The following YAP1 variants were observed in gnomAD, a reference collection of about 807,000 sequenced individuals.
YAP1 encodes the protein Yes1 associated transcriptional regulator.
Under a neutral mutation model 56.9 loss-of-function variants are expected in YAP1, and 5 were observed. That is an observed-to-expected ratio of 0.09 (90% confidence interval 0.05 to 0.18). YAP1 has a LOEUF of 0.18. YAP1 is among the 10% of genes least tolerant of loss of function. YAP1 has a pLI of 1.00. For missense variants in YAP1, 539 were observed against 651.8 expected, an observed-to-expected ratio of 0.83 and a Z score of 1.88; for synonymous variants, 265 against 248.1, an observed-to-expected ratio of 1.07 and a Z score of -0.64.
At chr11:102,156,279 G>A (rs1945940000) in intron 2 of YAP1, among the ~76,000 whole-genome samples, 1 of 152,148 alleles carries the variant, frequency 6.6e-6, no homozygotes, top group East Asian at 1.9e-4. Flanking sequence ...GTAAATAAAT[G>A]TCTTACTGTA....
At chr11:102,225,913 A>T (rs1950170272) in intron 7 of YAP1, among the ~76,000 whole-genome samples, 1 of 152,192 alleles carries the variant, frequency 6.6e-6, no homozygotes, top group South Asian at 2.1e-4. Flanking sequence ...GTGAATGTTT[A>T]CTGAATGAGT....
chr11:102,167,631 G>A lies in YAP1; in HGVS notation c.688+5060G>A, dbSNP rs1411450556. Among the ~76,000 whole-genome samples, 3 of 152,208 alleles carry A rather than the reference G, an allele frequency of 2.0e-5. No individual in the cohort carries two copies. The East Asian group carries it at 5.8e-4, about 29-fold the overall frequency. On this transcript the variant is annotated intron_variant, in intron 3 of 8. Transcript: ENST00000282441. Reference sequence around the variant, plus strand: ...CGCCTGTAGTCTCAGTGACTCCGGAGGCTGAGGCAGGAGAATCACTTGAAC... The same window carrying A: ...CGCCTGTAGTCTCAGTGACTCCGGAAGCTGAGGCAGGAGAATCACTTGAAC...
chr11:102,171,737 A>G (rs575508557), intron 3 of YAP1, among the ~76,000 whole-genome samples: 1 of 152,308 alleles, frequency 6.6e-6, no homozygotes, highest in African/African-American at 2.4e-5. Flanking sequence ...ACAAACAGGA[A>G]AATGATTTTT....
intron 6 of YAP1, among the ~76,000 whole-genome samples, chr11:102,216,165 T>C (rs942251906): frequency 1.3e-5 from 2 of 152,254 alleles, no homozygotes; most frequent in Non-Finnish European, 2.9e-5. Flanking sequence ...TAAGGTGTCC[T>C]GCTTCTGGGG....
chr11:102,194,048 G>T (rs758775412), intron 4 of YAP1, among the ~76,000 whole-genome samples: 1 of 151,880 alleles, frequency 6.6e-6, no homozygotes, highest in Admixed American at 6.6e-5. Context: ...CTCGTGATCC[G>T]CCCACCTCGG....
At chr11:102,221,949 ATT>A (rs577822790) in intron 6 of YAP1, among the ~76,000 whole-genome samples, 1 of 146,938 alleles carries the variant, frequency 6.8e-6, no homozygotes. Context: ...TTAATGTGTA[ATT>A]TTTTTTTTTT....
intron 3 of YAP1, among the ~76,000 whole-genome samples, chr11:102,179,529 C>T (rs762928384): frequency 9.2e-5 from 14 of 152,124 alleles, no homozygotes; most frequent in Non-Finnish European, 1.8e-4. Flanking sequence ...AGGTAGCAGC[C>T]TCTTCATGCT....
At chr11:102,207,852 C>T (rs1276115508) in intron 5 of YAP1, among the ~76,000 whole-genome samples, 2 of 152,154 alleles carry the variant, frequency 1.3e-5, no homozygotes, top group African/African-American at 2.4e-5. Context: ...CATACGATGT[C>T]AGGAACTTGT....
intron 2 of YAP1, among the ~76,000 whole-genome samples, chr11:102,129,098 T>C (rs1298857527): frequency 1.3e-5 from 2 of 152,232 alleles, no homozygotes; most frequent in African/African-American, 4.8e-5. Context: ...ATATGCAGTA[T>C]ACTGCATAAG....
chr11:102,130,440 G>A (rs1183952421), intron 2 of YAP1, among the ~76,000 whole-genome samples: 1 of 152,116 alleles, frequency 6.6e-6, no homozygotes. Flanking sequence ...TCTCATTCCA[G>A]TTGCCCAGGC....
rs528576005 is a variant in YAP1, at chr11:102,206,217, C to T, written c.984+143C>T. 1.8e-5 allele frequency: 17 copies of T among 970,294 alleles called. No homozygotes were observed. In the African/African-American group the frequency reaches 2.3e-4, roughly 13 times the overall value. The allele number at this position is 970,294 out of a possible 1,614,324, so 60.1% of individuals were successfully genotyped here. A position where few individuals can be genotyped will look rare whatever the true frequency, so the allele number is the denominator to read the frequency against. On this transcript the variant is annotated intron_variant, in intron 5 of 8. Transcript: ENST00000282441. Reference sequence around the variant, plus strand: ...GTGACACAGAAGCATTCTATCCAGCCCTGTCCTTGTCTTAGTTTTGTGACT... The same window carrying T: ...GTGACACAGAAGCATTCTATCCAGCTCTGTCCTTGTCTTAGTTTTGTGACT...
intron 2 of YAP1, among the ~76,000 whole-genome samples, chr11:102,152,213 C>A (rs756839878): frequency 6.6e-6 from 1 of 152,184 alleles, no homozygotes; most frequent in African/African-American, 2.4e-5. Flanking sequence ...CAATCTGGTT[C>A]ACATATAGTC....
chr11:102,155,466 G>C (rs1945886979), intron 2 of YAP1, among the ~76,000 whole-genome samples: 1 of 152,160 alleles, frequency 6.6e-6, no homozygotes, highest in African/African-American at 2.4e-5. Context: ...AAGACATTCT[G>C]TAGTGTTACC....
chr11:102,124,177 T>C (rs1943884948), intron 2 of YAP1, among the ~76,000 whole-genome samples: 1 of 151,990 alleles, frequency 6.6e-6, no homozygotes, highest in Admixed American at 6.6e-5. Context: ...GGTCTCGAAC[T>C]CCTGACCTCA....
At chr11:102,206,720 G>C (rs938761513) in intron 5 of YAP1, among the ~76,000 whole-genome samples, 1 of 152,162 alleles carries the variant, frequency 6.6e-6, no homozygotes, top group Non-Finnish European at 1.5e-5. Context: ...GCACACACCT[G>C]TAATCTCAAC....
intron 2 of YAP1, among the ~76,000 whole-genome samples, chr11:102,116,046 C>G (rs953753234): frequency 6.6e-6 from 1 of 152,130 alleles, no homozygotes; most frequent in South Asian, 2.1e-4. Context: ...TACCTGCCTA[C>G]GATTTCATTA....
intron 2 of YAP1, among the ~76,000 whole-genome samples, chr11:102,133,224 G>T (rs181004675): frequency 6.6e-6 from 1 of 152,276 alleles, no homozygotes; most frequent in East Asian, 1.9e-4. Flanking sequence ...TACTTAAAAA[G>T]ATTTTTAAAC....
At chr11:102,226,260 C>T (rs1234941655) in intron 7 of YAP1, among the ~76,000 whole-genome samples, 2 of 152,112 alleles carry the variant, frequency 1.3e-5, no homozygotes, top group Admixed American at 6.6e-5. Flanking sequence ...CTGTGTGAGG[C>T]TTTTGAGCCT....
intron 2 of YAP1, among the ~76,000 whole-genome samples, chr11:102,149,218 A>G (rs1945491475): frequency 6.6e-6 from 1 of 152,220 alleles, no homozygotes; most frequent in Non-Finnish European, 1.5e-5. Context: ...GCACATTTAG[A>G]TAGGAGATCA....
Sources: allele counts gnomAD v4.1 joint callset (sites outside exome capture counted in the v4.1 genomes callset), GRCh38; gene constraint gnomAD v4.1.1; transcripts MANE v1.5; gene names NCBI Gene and HGNC (gene_info 2026-07-23, HGNC 2026-07-21).